The following FARS2 variants were observed in gnomAD, a reference collection of about 807,000 sequenced individuals.
FARS2 encodes phenylalanine--tRNA ligase, mitochondrial.
In FARS2, 40 loss-of-function variants were observed where a neutral mutation model predicts 46.4. The ratio of observed to expected loss-of-function variants is 0.86; its 90% CI spans 0.67 to 1.12. The LOEUF is 1.12. Ranked by LOEUF, FARS2 falls within the 50% of genes most tolerant of loss-of-function variation. The pLI is 0.00. For missense variants in FARS2, 513 were observed against 567.9 expected, an observed-to-expected ratio of 0.90 and a Z score of 0.98; for synonymous variants, 234 against 214.9, an observed-to-expected ratio of 1.09 and a Z score of -0.78.
intron 5 of FARS2, among the ~76,000 whole-genome samples, chr6:5,584,979 A>C (rs1348645224): frequency 6.6e-6 from 1 of 152,142 alleles, no homozygotes; most frequent in Non-Finnish European, 1.5e-5. Context: ...AGAGAAGAAA[A>C]ATGCATTATT....
intron 5 of FARS2, chr6:5,610,311 TAA>T (rs1554115958): frequency 6.9e-4 from 205 of 297,272 alleles, no homozygotes; most frequent in Middle Eastern, 1.9e-3. Context: ...CAATTCTTTT[TAA>T]AAAAAAAAAA....
At chr6:5,563,173 T>C (rs1362047605) in intron 5 of FARS2, among the ~76,000 whole-genome samples, 1 of 152,132 alleles carries the variant, frequency 6.6e-6, no homozygotes, top group Non-Finnish European at 1.5e-5. Context: ...GGAGGCAGTG[T>C]TTGATTTGCA....
chr6:5,476,468 A>G (rs572542730), intron 4 of FARS2, among the ~76,000 whole-genome samples: 1 of 152,274 alleles, frequency 6.6e-6, no homozygotes, highest in South Asian at 2.1e-4. Context: ...CTGTCTTGTT[A>G]ACTGAATTCA....
intron 1 of FARS2, among the ~76,000 whole-genome samples, chr6:5,321,090 T>C (rs1211691772): frequency 2.0e-5 from 3 of 152,198 alleles, no homozygotes; most frequent in Non-Finnish European, 4.4e-5. Context: ...GGATCTGACC[T>C]TCTCTTAGAC....
intron 6 of FARS2, among the ~76,000 whole-genome samples, chr6:5,721,171 T>C (rs571584881): frequency 6.6e-6 from 1 of 152,360 alleles, no homozygotes; most frequent in East Asian, 1.9e-4. Context: ...GAAAAATAAC[T>C]ATAAAAATTT....
Position 5,515,585 on chromosome 6 carries a change from C to T in FARS2, c.905-29595C>T, listed in dbSNP as rs151108855. On this transcript the variant is annotated intron_variant, in intron 4 of 6. Transcript: ENST00000274680. ...TTGGGATTATAGATGTGCACCAGCA[C>T]GCCCAACTAATTTTTGTATTTTTAG... Among the ~76,000 whole-genome samples the T allele has an allele frequency of 3.5e-3, 536 of 152,206 alleles. 2 individuals are homozygous for T. The highest frequency in any genetic ancestry group is 6.8e-3 in the Middle Eastern group (2 of 294).
At chr6:5,371,465 A>G (rs1414922490) in intron 2 of FARS2, among the ~76,000 whole-genome samples, 3 of 152,184 alleles carry the variant, frequency 2.0e-5, no homozygotes, top group Admixed American at 6.5e-5. Context: ...GGTGCAGGGT[A>G]AAAAAACAAT....
intron 6 of FARS2, among the ~76,000 whole-genome samples, chr6:5,705,148 C>T (rs1436216857): frequency 6.6e-6 from 1 of 152,142 alleles, no homozygotes; most frequent in African/African-American, 2.4e-5. Context: ...AAAATTGTGG[C>T]AGTACCATGA....
chr6:5,595,883 C>T (rs1561739548), intron 5 of FARS2, among the ~76,000 whole-genome samples: 1 of 152,138 alleles, frequency 6.6e-6, no homozygotes, highest in Admixed American at 6.5e-5. Flanking sequence ...CAAAAACTAG[C>T]AAGTAGCAGA....
intron 4 of FARS2, among the ~76,000 whole-genome samples, chr6:5,541,217 A>C (rs1770611011): frequency 6.6e-6 from 1 of 152,218 alleles, no homozygotes; most frequent in Non-Finnish European, 1.5e-5. Context: ...ATCAGTTTCC[A>C]GTTCACAAGG....
At chr6:5,444,755 C>T (rs1214507914) in intron 4 of FARS2, among the ~76,000 whole-genome samples, 2 of 148,244 alleles carry the variant, frequency 1.3e-5, no homozygotes, top group Non-Finnish European at 3.0e-5. Context: ...GTTATTCTTT[C>T]TTCAGGCTCA....
At chr6:5,540,958 C>T (rs563167880) in intron 4 of FARS2, among the ~76,000 whole-genome samples, 1 of 152,114 alleles carries the variant, frequency 6.6e-6, no homozygotes, top group Non-Finnish European at 1.5e-5. Flanking sequence ...GGGCCCAGCA[C>T]CAGGTGTGAG....
At chr6:5,565,093 T>C (rs1305799466) in intron 5 of FARS2, among the ~76,000 whole-genome samples, 1 of 152,170 alleles carries the variant, frequency 6.6e-6, no homozygotes, top group African/African-American at 2.4e-5. Context: ...AAGTTAAGAG[T>C]ACTCACAGAT....
intron 6 of FARS2, among the ~76,000 whole-genome samples, chr6:5,646,083 A>G (rs4960120): frequency 1.3e-5 from 2 of 151,860 alleles, no homozygotes; most frequent in Non-Finnish European, 2.9e-5. Context: ...GTTTTCTTAG[A>G]ATAAGAAGCT....
intron 4 of FARS2, among the ~76,000 whole-genome samples, chr6:5,538,376 G>C (rs1463744947): frequency 6.6e-6 from 1 of 152,136 alleles, no homozygotes; most frequent in Non-Finnish European, 1.5e-5. Flanking sequence ...TCAGGGCAAA[G>C]AGGAAATGCG....
At chr6:5,370,893 A>G (rs535360655) in intron 2 of FARS2, among the ~76,000 whole-genome samples, 4 of 152,316 alleles carry the variant, frequency 2.6e-5, no homozygotes, top group African/African-American at 9.6e-5. Context: ...GTATGTATCT[A>G]ATCTTCTTAT....
chr6:5,715,283 T>C (rs1184162815), intron 6 of FARS2, among the ~76,000 whole-genome samples: 3 of 152,082 alleles, frequency 2.0e-5, no homozygotes, highest in Non-Finnish European at 2.9e-5. Context: ...TTTCAACACA[T>C]GGATTTCACC....
At chr6:5,583,577 G>A (rs1269149967) in intron 5 of FARS2, among the ~76,000 whole-genome samples, 2 of 152,146 alleles carry the variant, frequency 1.3e-5, no homozygotes, top group Admixed American at 6.5e-5. Flanking sequence ...AATTAGAGTC[G>A]TTTGTTTGTT....
At chr6:5,402,439 T>C (rs145518162) in intron 2 of FARS2, among the ~76,000 whole-genome samples, 1,799 of 152,176 alleles carry the variant, frequency 0.012, 17 homozygotes, top group Non-Finnish European at 0.016. Context: ...TGAGCTCTTT[T>C]GAATTGACTT....
Sources: gnomAD v4.1 joint callset for allele counts (sites outside exome capture counted in the v4.1 genomes callset) on GRCh38, gnomAD v4.1.1 for gene constraint, MANE v1.5 for transcripts, NCBI Gene and HGNC (gene_info 2026-07-23, HGNC 2026-07-21) for gene names.